CUX1: variants seen among roughly 807,000 people sequenced by gnomAD.
The protein encoded by CUX1 is protein CASP.
CUX1 carries 31 observed loss-of-function variants against 158.8 expected under a neutral mutation model. The ratio of observed to expected loss-of-function variants is 0.20; its 90% CI spans 0.15 to 0.26. CUX1 has a LOEUF of 0.26. Among genes scored for constraint, CUX1 ranks in the 10% least tolerant of loss-of-function variants. CUX1 has a pLI of 1.00. For synonymous variants in CUX1, 879 were observed against 862.1 expected (o/e 1.02, Z -0.34); for missense variants, 1,589 against 2,014.6 (o/e 0.79, Z 4.04).
intron 20 of CUX1, among the ~76,000 whole-genome samples, chr7:102,223,285 T>C (rs542307937): frequency 6.6e-6 from 1 of 152,238 alleles, no homozygotes; most frequent in Non-Finnish European, 1.5e-5. Context: ...AAAAGTTTAA[T>C]GTTTTAAAAA....
rs191480967 is a variant in CUX1 at position 101,886,581 on chromosome 7, G to A, written c.31-29534G>A. On this transcript the variant is annotated intron_variant, in intron 1 of 23. Transcript: ENST00000292535. ...GGCTTTTGCCACCAACACGATACCC[G>A]TGGGGAGAAGCCCCCTGGCCCCCGT... Among the ~76,000 whole-genome samples the A allele has an allele frequency of 4.8e-3, 738 of 152,306 alleles. 2 individuals carry two copies. Among genetic ancestry groups the A allele is most frequent in the Non-Finnish European group, 5.0e-3 (339 of 68,026 alleles).
intron 15 of CUX1, 64 bp downstream of exon 15, chr7:102,197,369 T>A (rs1483803939): frequency 2.0e-6 from 3 of 1,524,838 alleles, no homozygotes; most frequent in African/African-American, 1.4e-5. Flanking sequence ...CATGTGTGTG[T>A]GCATGCGTGC....
chr7:102,158,887 C>T (rs1239730746), intron 9 of CUX1, among the ~76,000 whole-genome samples: 2 of 152,256 alleles, frequency 1.3e-5, no homozygotes, highest in African/African-American at 2.4e-5. Flanking sequence ...CTTTTCCCTA[C>T]TCCATCTCTA....
At chr7:102,216,641 GCACACACACACACTCTCC>G (rs1797175927) in intron 20 of CUX1, among the ~76,000 whole-genome samples, 1 of 28,740 alleles carries the variant, frequency 3.5e-5, no homozygotes, top group Admixed American at 4.9e-4. Flanking sequence ...CCCCACACAC[GCACACACACACACTCTCC>G]CACACACACT....
At chr7:102,180,828 C>T (rs552523801) in intron 11 of CUX1, among the ~76,000 whole-genome samples, 4 of 151,938 alleles carry the variant, frequency 2.6e-5, no homozygotes, top group African/African-American at 9.6e-5. Flanking sequence ...AGGAGACAGT[C>T]CTGCCGACTT....
downstream of CUX1, among the ~76,000 whole-genome samples, chr7:102,259,232 CG>C (rs1563509494): frequency 6.6e-6 from 1 of 152,132 alleles, no homozygotes; most frequent in African/African-American, 2.4e-5. Flanking sequence ...CACTTAGGGC[CG>C]GGGGTGTCTC....
chr7:102,044,014 C>T (rs1024668842), intron 3 of CUX1, among the ~76,000 whole-genome samples: 1 of 152,070 alleles, frequency 6.6e-6, no homozygotes, highest in African/African-American at 2.4e-5. Flanking sequence ...GACAGGGTCT[C>T]ACTCTGTTGT....
rs183116259 is a variant in CUX1, at chr7:101,860,865, G to A, written c.30+43196G>A. ...TGTGTCACCCAGGCTGGAGTGCAGTGGTGCAGCCATAGCTCACTGCAGCCT... is the reference window on the plus strand; with the variant it reads ...TGTGTCACCCAGGCTGGAGTGCAGTAGTGCAGCCATAGCTCACTGCAGCCT... On this transcript the variant is annotated intron_variant, in intron 1 of 23. Transcript: ENST00000292535. 4.1e-4 allele frequency among the ~76,000 whole-genome samples: 62 copies of A among 150,820 alleles called. 1 individual carries two copies. The highest frequency in any genetic ancestry group is 1.5e-3 in the African/African-American group (61 of 41,094).
At chr7:102,106,827 T>C (rs1259259897) in intron 6 of CUX1, among the ~76,000 whole-genome samples, 6 of 152,168 alleles carry the variant, frequency 3.9e-5, no homozygotes, top group African/African-American at 1.2e-4. Context: ...TTGAATTCCC[T>C]CCTGGCTGAA....
intron 4 of CUX1, among the ~76,000 whole-genome samples, chr7:102,089,202 C>A (rs914147564): frequency 3.9e-5 from 6 of 151,968 alleles, no homozygotes; most frequent in African/African-American, 1.5e-4. Flanking sequence ...TTTTCTGTTC[C>A]TCTCTGTATT....
chr7:102,172,999 T>C (rs1791900780), intron 10 of CUX1, among the ~76,000 whole-genome samples: 1 of 152,006 alleles, frequency 6.6e-6, no homozygotes, highest in Non-Finnish European at 1.5e-5. Flanking sequence ...AGGCAGAGGC[T>C]GCAGTGAGTT....
intron 8 of CUX1, among the ~76,000 whole-genome samples, chr7:102,157,521 T>C (rs1352593314): frequency 6.6e-6 from 1 of 152,218 alleles, no homozygotes; most frequent in African/African-American, 2.4e-5. Context: ...GGCTTATGCC[T>C]GTAATTCCAG....
intron 2 of CUX1, among the ~76,000 whole-genome samples, chr7:101,951,537 G>A (rs940210686): frequency 1.3e-5 from 2 of 150,250 alleles, no homozygotes; most frequent in Admixed American, 6.7e-5. Flanking sequence ...AGACAGTCTC[G>A]CTCTGTTGCC....
intron 1 of CUX1, among the ~76,000 whole-genome samples, chr7:101,911,713 A>G (rs1803498085): frequency 6.6e-6 from 1 of 152,256 alleles, no homozygotes; most frequent in Non-Finnish European, 1.5e-5. Context: ...GGTGACACCC[A>G]CTTGCTGAGT....
chr7:102,041,149 T>A (rs1274461939), intron 3 of CUX1, among the ~76,000 whole-genome samples: 1 of 139,898 alleles, frequency 7.1e-6, no homozygotes, highest in African/African-American at 2.6e-5. Flanking sequence ...AAAACAAAAA[T>A]AAAAAAATTA....
chr7:102,246,585 C>T (rs199789545), intron 23 of CUX1, among the ~76,000 whole-genome samples: 2 of 126,292 alleles, frequency 1.6e-5, no homozygotes, highest in African/African-American at 2.8e-5. Flanking sequence ...TTTTTTTTTT[C>T]CCTTGAGACA....
chr7:102,138,961 T>G (rs149797106), intron 8 of CUX1, among the ~76,000 whole-genome samples: 1 of 152,136 alleles, frequency 6.6e-6, no homozygotes, highest in East Asian at 1.9e-4. Flanking sequence ...ATGTATCAGC[T>G]TGGCCGGGCA....
At chr7:101,921,197 C>G (rs1176000707) in intron 2 of CUX1, among the ~76,000 whole-genome samples, 2 of 152,134 alleles carry the variant, frequency 1.3e-5, no homozygotes, top group Non-Finnish European at 2.9e-5. Flanking sequence ...CTCCCAAAGC[C>G]CCAGTTCTGT....
At chr7:101,931,057 C>G (rs1340352597) in intron 2 of CUX1, among the ~76,000 whole-genome samples, 1 of 152,190 alleles carries the variant, frequency 6.6e-6, no homozygotes, top group African/African-American at 2.4e-5. Context: ...GATCACGCCA[C>G]TGCACTCCAG....
Sources: allele counts gnomAD v4.1 joint callset (sites outside exome capture counted in the v4.1 genomes callset), GRCh38; gene constraint gnomAD v4.1.1; transcripts MANE v1.5; gene names NCBI Gene and HGNC (gene_info 2026-07-23, HGNC 2026-07-21).